Variants in CARNMT1 observed in about 807,000 individuals in gnomAD.
The protein encoded by CARNMT1 is carnosine N-methyltransferase 1.
CARNMT1 carries 28 observed loss-of-function variants against 49.6 expected under a neutral mutation model. The ratio of observed to expected loss-of-function variants is 0.56; its 90% CI spans 0.42 to 0.77. The LOEUF (loss-of-function observed/expected upper bound fraction) is 0.77. Among genes scored for constraint, CARNMT1 ranks in the 30% least tolerant of loss-of-function variants. The pLI is 0.00. For missense variants in CARNMT1, 421 were observed against 512.6 expected (o/e 0.82, Z 1.73); for synonymous variants, 178 against 175.0 (o/e 1.02, Z -0.13).
chr9:75,021,123 G>A (rs1822338582), intron 1 of CARNMT1, among the ~76,000 whole-genome samples: 1 of 151,510 alleles, frequency 6.6e-6, no homozygotes, highest in Non-Finnish European at 1.5e-5. Context: ...AGCAGACAGG[G>A]TTTCATTGGA....
At chr9:74,984,301 C>T (rs1226858106) in intron 7 of CARNMT1, among the ~76,000 whole-genome samples, 1 of 152,164 alleles carries the variant, frequency 6.6e-6, no homozygotes. Context: ...CTCCGACCCC[C>T]TTTTGTTTTC....
At chr9:75,005,339 T>C (rs573917782) in intron 3 of CARNMT1, among the ~76,000 whole-genome samples, 14 of 152,324 alleles carry the variant, frequency 9.2e-5, no homozygotes, top group Admixed American at 5.2e-4. Flanking sequence ...AAGCTGCTTG[T>C]GCTTGCAAAC....
intron 1 of CARNMT1, among the ~76,000 whole-genome samples, chr9:75,026,396 T>C (rs1822530810): frequency 6.6e-6 from 1 of 152,200 alleles, no homozygotes; most frequent in South Asian, 2.1e-4. Context: ...GGGTCCACCA[T>C]ATTCCCAAGA....
Position 74,998,578 on chromosome 9 carries a change from A to T in CARNMT1, c.910+20T>A, listed in dbSNP as rs778561266. 1 of 1,514,724 alleles carries T rather than the reference A, an allele frequency of 6.6e-7. No homozygotes were observed. The highest frequency in any genetic ancestry group is 8.8e-7 in the Non-Finnish European group (1 of 1,130,536). The allele number at this position is 1,514,724 out of a possible 1,614,324, so 93.8% of individuals were successfully genotyped here. A position where few individuals can be genotyped will look rare whatever the true frequency, so the allele number is the denominator to read the frequency against. On this transcript the variant is annotated intron_variant, in intron 5 of 7. Coordinates refer to ENST00000376834, the MANE Select transcript of CARNMT1 (RefSeq NM_152420.3). ...TTAGAATAAAGGACAAGACTTTTTA[A>T]ACGCTTGATTTGGACTTACTGCATT... is the stretch of plus-strand genomic sequence containing the variant.
chr9:74,982,062 A>G lies in CARNMT1; in HGVS notation c.*1705T>C, dbSNP rs1230383994. 6.6e-6 allele frequency: 1 copy of G among 151,890 alleles called. No homozygotes were observed. Among genetic ancestry groups the G allele is most frequent in the Non-Finnish European group, 1.5e-5 (1 of 67,958 alleles). The allele number at this position is 151,890 out of a possible 1,614,324, so 9.4% of individuals were successfully genotyped here. On this transcript the variant is annotated 3_prime_UTR_variant, in exon 8 of 8. Coordinates refer to ENST00000376834, the MANE Select transcript of CARNMT1 (RefSeq NM_152420.3). ...AGGTTACAGTCTTCCCAATTTTGAC[A>G]TGTCAGATTAACTACATGAAACCCT...
rs1833359222 is a variant in CARNMT1, at chr9:75,001,577, T to C, written c.591-1707A>G. ...TACTGGCATTATGACAAAGAGGAAG[T>C]GGACATGTAAGAAATGCATTAAAAC... On this transcript the variant is annotated intron_variant, in intron 3 of 7. Coordinates refer to ENST00000376834, the MANE Select transcript of CARNMT1 (RefSeq NM_152420.3). 6.6e-5 allele frequency among the ~76,000 whole-genome samples: 10 copies of C among 152,178 alleles called. No homozygotes were observed. The South Asian group carries it at 2.1e-3, about 31-fold the overall frequency.
intron 6 of CARNMT1, among the ~76,000 whole-genome samples, chr9:74,993,530 T>C (rs1833095300): frequency 1.3e-5 from 2 of 152,100 alleles, no homozygotes; most frequent in East Asian, 3.8e-4. Context: ...CGAAGACAAC[T>C]TGAAGGCAGG....
chr9:75,012,729 CT>C (rs1386503437), intron 3 of CARNMT1, among the ~76,000 whole-genome samples: 2 of 151,662 alleles, frequency 1.3e-5, no homozygotes, highest in Non-Finnish European at 2.9e-5. Context: ...TTTAAAAAAT[CT>C]TATCTACCCC....
chr9:74,994,615 T>C (rs967546536), intron 6 of CARNMT1, among the ~76,000 whole-genome samples: 5 of 152,016 alleles, frequency 3.3e-5, no homozygotes, highest in African/African-American at 1.2e-4. Context: ...TGAGATTAGG[T>C]AGGAGGAATA....
chr9:75,004,282 A>G (rs1461616310), intron 3 of CARNMT1, among the ~76,000 whole-genome samples: 3 of 152,346 alleles, frequency 2.0e-5, no homozygotes, highest in East Asian at 3.9e-4. Flanking sequence ...ACCTGCACTA[A>G]TAGTTATCTT....
intron 3 of CARNMT1, among the ~76,000 whole-genome samples, chr9:75,012,025 T>C (rs1174783069): frequency 6.6e-6 from 1 of 152,074 alleles, no homozygotes; most frequent in Non-Finnish European, 1.5e-5. Context: ...TCCTGACCCA[T>C]AGCAACTGAA....
chr9:75,025,201 T>C (rs1822488577), intron 1 of CARNMT1, among the ~76,000 whole-genome samples: 2 of 152,212 alleles, frequency 1.3e-5, no homozygotes, highest in African/African-American at 4.8e-5. Flanking sequence ...GCATCACCAG[T>C]GGCACGTCAT....
chr9:75,018,336 T>TTAC (rs1423566625), intron 1 of CARNMT1, among the ~76,000 whole-genome samples: 2 of 152,286 alleles, frequency 1.3e-5, no homozygotes, highest in Non-Finnish European at 2.9e-5. Context: ...AGTACTGGGA[T>TTAC]TACAGACATG....
At chr9:74,984,644 CAT>C (rs1832774974) in intron 7 of CARNMT1, among the ~76,000 whole-genome samples, 1 of 152,114 alleles carries the variant, frequency 6.6e-6, no homozygotes, top group Admixed American at 6.5e-5. Context: ...ATATATAAAA[CAT>C]AAATGAATTT....
rs113543385 is a variant in CARNMT1, at chr9:75,018,690, G to A, written c.231-1242C>T. On this transcript the variant is annotated intron_variant, in intron 1 of 7. Coordinates refer to ENST00000376834, the MANE Select transcript of CARNMT1 (RefSeq NM_152420.3). ...ACTGTTAGAGATAAGAAACAGGTGG[G>A]CGCAGTGGCTCATCCCTGTAATCCC... is the stretch of plus-strand genomic sequence containing the variant. Among the ~76,000 whole-genome samples, 1,271 of 152,272 alleles carry A rather than the reference G, an allele frequency of 8.3e-3. 20 individuals are homozygous for A. Among genetic ancestry groups the A allele is most frequent in the African/African-American group, 0.028 (1,158 of 41,566 alleles).
rs948054985 is a variant in CARNMT1, at chr9:74,983,510, G to C, written c.*257C>G. ...TTTTTCCTACTGAAACACAATTCTG[G>C]GCTTCAAGGAAAAAGTATACTTCAA... On this transcript the variant is annotated 3_prime_UTR_variant, in exon 8 of 8. Coordinates refer to ENST00000376834, the MANE Select transcript of CARNMT1 (RefSeq NM_152420.3). 2.5e-5 allele frequency: 7 copies of C among 280,354 alleles called. No individual in the cohort carries two copies. Among genetic ancestry groups the C allele is most frequent in the African/African-American group, 1.5e-4 (7 of 45,954 alleles). 17.4% of individuals were successfully genotyped at this position (280,354 alleles called of 1,614,324 possible). A position where few individuals can be genotyped will look rare whatever the true frequency, so the allele number is the denominator to read the frequency against.
chr9:75,010,862 C>A (rs1016083814), intron 3 of CARNMT1, among the ~76,000 whole-genome samples: 1 of 106,990 alleles, frequency 9.3e-6, no homozygotes, highest in African/African-American at 3.7e-5. Context: ...AGGTTTTATT[C>A]TGGGTTGATG....
chr9:75,005,027 CTTATAT>C (rs1156404364), intron 3 of CARNMT1, among the ~76,000 whole-genome samples: 2 of 152,076 alleles, frequency 1.3e-5, no homozygotes, highest in Non-Finnish European at 2.9e-5. Flanking sequence ...GCACTGAATT[CTTATAT>C]TTAAATTATT....
chr9:74,996,596 G>C (rs1452734065), intron 5 of CARNMT1, 36 bp from the exon 6 acceptor site: 1 of 1,226,560 alleles, frequency 8.2e-7, no homozygotes, highest in Non-Finnish European at 1.2e-6. Context: ...CATCTGTTAT[G>C]TTATTTTGCT....
Sources: gnomAD v4.1 joint callset for allele counts (sites outside exome capture counted in the v4.1 genomes callset) on GRCh38, gnomAD v4.1.1 for gene constraint, MANE v1.5 for transcripts, NCBI Gene and HGNC (gene_info 2026-07-23, HGNC 2026-07-21) for gene names.